ACACA: variants seen among roughly 807,000 people sequenced by gnomAD.
ACACA encodes the protein acetyl-CoA carboxylase 1.
In ACACA, 103 loss-of-function variants were observed where a neutral mutation model predicts 296.1. The ratio of observed to expected loss-of-function variants is 0.35; its 90% confidence interval spans 0.30 to 0.41. The LOEUF is 0.41. Ranked by LOEUF, ACACA falls within the 10% of genes least tolerant of loss-of-function variation. ACACA has a pLI of 1.00. For missense variants in ACACA, 1,554 were observed against 2,989.7 expected, an observed-to-expected ratio of 0.52 and a Z score of 11.20; for synonymous variants, 953 against 1,038.6, an observed-to-expected ratio of 0.92 and a Z score of 1.58.
At chr17:37,278,632 C>T (rs1352321973) in intron 5 of ACACA, among the ~76,000 whole-genome samples, 3 of 152,206 alleles carry the variant, frequency 2.0e-5, no homozygotes, top group African/African-American at 7.2e-5. Flanking sequence ...TTTTCCTATT[C>T]TGGCAATGAC....
intron 1 of ACACA, among the ~76,000 whole-genome samples, chr17:37,388,357 T>C (rs1182585731): frequency 2.0e-5 from 3 of 152,122 alleles, no homozygotes; most frequent in Non-Finnish European, 4.4e-5. Context: ...TAGAGCTCCA[T>C]GTGTACCCGA....
intron 41 of ACACA, among the ~76,000 whole-genome samples, chr17:37,173,877 G>A (rs1394391106): frequency 2.1e-5 from 3 of 145,080 alleles, no homozygotes; most frequent in Non-Finnish European, 3.0e-5. Context: ...GCAGTCGTGC[G>A]ATCTTGGCTC....
chr17:37,386,927 C>T (rs889375954), intron 1 of ACACA: 16 of 119,902 alleles, frequency 1.3e-4, no homozygotes, highest in Admixed American at 9.9e-4. Context: ...AAGTGATCCC[C>T]CCACCTCAGC....
intron 25 of ACACA, 85 bp from the exon 26 acceptor site, chr17:37,226,537 A>C (rs2079553141): frequency 8.8e-7 from 1 of 1,133,210 alleles, no homozygotes; most frequent in Non-Finnish European, 1.3e-6. Context: ...AAAGGAATGA[A>C]AACAAAGTAA....
At chr17:37,309,252 C>T (rs2084021388) in intron 3 of ACACA, among the ~76,000 whole-genome samples, 1 of 152,074 alleles carries the variant, frequency 6.6e-6, no homozygotes, top group East Asian at 1.9e-4. Flanking sequence ...TCCCAAATTC[C>T]TGGGCTCAAG....
chr17:37,286,290 G>A (rs1402185483), intron 3 of ACACA, among the ~76,000 whole-genome samples: 1 of 152,308 alleles, frequency 6.6e-6, no homozygotes. Flanking sequence ...AAACAGCACA[G>A]GCCTGGGTTT....
intron 3 of ACACA, among the ~76,000 whole-genome samples, chr17:37,305,901 T>G (rs1049956703): frequency 5.1e-5 from 5 of 97,144 alleles, no homozygotes; most frequent in African/African-American, 2.0e-4. Flanking sequence ...AGTTTTTTTT[T>G]TTGTTTTTTT....
chr17:37,308,280 ATCC>A (rs2083975332), intron 3 of ACACA, among the ~76,000 whole-genome samples: 3 of 152,214 alleles, frequency 2.0e-5, no homozygotes, highest in African/African-American at 7.2e-5. Flanking sequence ...GAAAATGTAT[ATCC>A]AAGCTTGAGG....
chr17:37,260,276 ATATATATATATATATATATATT>A lies in ACACA; in HGVS notation c.1330-768_1330-747del, dbSNP rs1186006980. Among the ~76,000 whole-genome samples the A allele has an allele frequency of 4.7e-4, 14 of 29,828 alleles. 1 individual carries two copies. Among genetic ancestry groups the A allele is most frequent in the African/African-American group, 2.3e-3 (13 of 5,776 alleles). 19.6% of individuals were successfully genotyped at this position (29,828 alleles called of 152,430 possible). A position where few individuals can be genotyped will look rare whatever the true frequency, so the allele number is the denominator to read the frequency against. The stretch of plus-strand genomic sequence containing the variant: ...TATATATATATATATATATATATAT[ATATATATATATATATATATATT>A]TTTTTTTTTTTTTTTTTTGGAGATG... On this transcript the variant is annotated intron_variant, in intron 11 of 55. Transcript: ENST00000616317.
At chr17:37,267,764 CTT>C (rs5820208) in intron 10 of ACACA, among the ~76,000 whole-genome samples, 6 of 141,016 alleles carry the variant, frequency 4.3e-5, no homozygotes, top group Non-Finnish European at 4.7e-5. Flanking sequence ...TCTTCTTCTT[CTT>C]TTTTTTTTTT....
intron 11 of ACACA, among the ~76,000 whole-genome samples, chr17:37,263,141 T>C (rs1022635400): frequency 5.3e-5 from 8 of 152,186 alleles, no homozygotes; most frequent in Non-Finnish European, 1.0e-4. Context: ...TTTTGAAGAA[T>C]CTATTTTGAT....
chr17:37,143,678 AC>A, intron 45 of ACACA: 1 of 893,408 alleles, frequency 1.1e-6, no homozygotes, highest in Non-Finnish European at 1.8e-6. Flanking sequence ...GCTAGAACCA[AC>A]TTATTCATCA....
At chr17:37,186,751 G>C (rs533113595) in intron 39 of ACACA, among the ~76,000 whole-genome samples, 1 of 152,226 alleles carries the variant, frequency 6.6e-6, no homozygotes, top group East Asian at 1.9e-4. Flanking sequence ...AAGGTGGTTT[G>C]TTCATTCTTT....
intron 30 of ACACA, 60 bp from the exon 31 acceptor site, chr17:37,207,860 G>A: frequency 3.2e-6 from 5 of 1,586,284 alleles, no homozygotes; most frequent in Non-Finnish European, 4.3e-6. Flanking sequence ...GACTGGGAAA[G>A]TAACAGTAGG....
At chr17:37,145,376 G>T (rs565315007) in intron 45 of ACACA, among the ~76,000 whole-genome samples, 1 of 152,266 alleles carries the variant, frequency 6.6e-6, no homozygotes, top group South Asian at 2.1e-4. Flanking sequence ...GGTCTGCCAC[G>T]CAGTGAGGCA....
At chr17:37,200,238 AC>A in intron 34 of ACACA, 55 bp from the exon 35 acceptor site, 7 of 1,491,008 alleles carry the variant, frequency 4.7e-6, no homozygotes, top group Non-Finnish European at 5.6e-6. Context: ...GCAATTAGTA[AC>A]AAAATCAAAA....
In ACACA at chr17:37,155,711, C is replaced by A; in HGVS notation, c.5419G>T (p.Glu1807Ter). 6.2e-7 allele frequency: 1 copy of A among 1,610,800 alleles called. No homozygotes were observed. Among genetic ancestry groups the A allele is most frequent in the Non-Finnish European group, 8.5e-7 (1 of 1,178,382 alleles). ...RVSALNSVHCEHVEDEGESRY... is the reference protein window; with the variant it reads ...RVSALNSVHC ...GATTCTCCTTCATCTTCCACGTGTT[C>A]ACAATGGACAGAGTTGAGAGCACTG... The change falls in exon 43 of 56, where the codon GAA (glutamate) becomes TAA (stop). Residue 1807 changes from glutamate to a stop codon, truncating the protein, a stop_gained. Transcript: ENST00000616317. LOFTEE classifies it high-confidence loss of function.
At chr17:37,263,959 T>C (rs1333568855) in intron 10 of ACACA, 65 bp from the exon 11 acceptor site, 8 of 1,347,204 alleles carry the variant, frequency 5.9e-6, no homozygotes, top group Non-Finnish European at 8.4e-6. Flanking sequence ...TCTATCTTGA[T>C]AAGCTACTTT....
chr17:37,174,114 G>A lies in ACACA; in HGVS notation c.5079+5146C>T, dbSNP rs1229688482. Among the ~76,000 whole-genome samples, 3 of 141,562 alleles carry A rather than the reference G, an allele frequency of 2.1e-5. No individual in the cohort carries two copies. The East Asian group carries it at 6.1e-4, about 29-fold the overall frequency. 92.9% of individuals were successfully genotyped at this position (141,562 alleles called of 152,430 possible). A position where few individuals can be genotyped will look rare whatever the true frequency, so the allele number is the denominator to read the frequency against. ...GGCGTCAAGTGATCCGCCGACCTTG[G>A]TCTCCCAAAGTGTTGGGATTACAGG... On this transcript the variant is annotated intron_variant, in intron 41 of 55. Coordinates refer to ENST00000616317, the MANE Select transcript of ACACA (RefSeq NM_198834.3).
Sources: gnomAD v4.1 joint callset for allele counts (sites outside exome capture counted in the v4.1 genomes callset) on GRCh38, gnomAD v4.1.1 for gene constraint, MANE v1.5 for transcripts, NCBI Gene and HGNC (gene_info 2026-07-23, HGNC 2026-07-21) for gene names.